P2RX3: variants seen among roughly 807,000 people sequenced by gnomAD.
P2RX3 encodes P2X purinoceptor 3.
In P2RX3, 41 loss-of-function variants were observed where a neutral mutation model predicts 51.5. That is an observed-to-expected ratio of 0.80 (90% CI 0.62 to 1.03). The LOEUF (loss-of-function observed/expected upper bound fraction) is 1.03, where lower values mean the gene tolerates loss of function less well. Ranked by LOEUF, P2RX3 falls within the 50% of genes least tolerant of loss-of-function variation. The probability of loss-of-function intolerance (pLI) is 0.00; values close to 1 mark genes in which losing one functional copy is unlikely to be tolerated. For missense variants in P2RX3, 459 were observed against 522.1 expected (o/e 0.88, Z 1.18); for synonymous variants, 185 against 191.6 (o/e 0.97, Z 0.29).
At chr11:57,349,663 C>T in intron 6 of P2RX3, 94 bp from the exon 7 acceptor site, 1 of 1,491,104 alleles carries the variant, frequency 6.7e-7, no homozygotes, top group South Asian at 1.2e-5. Flanking sequence ...GGCTCAGATC[C>T]CCCCTAGGCC....
At chr11:57,367,064 AG>A (rs1856808773) in intron 8 of P2RX3, among the ~76,000 whole-genome samples, 1 of 151,432 alleles carries the variant, frequency 6.6e-6, no homozygotes, top group South Asian at 2.1e-4. Flanking sequence ...ATAGTCTGAA[AG>A]CACCTTTCAA....
rs117711166 is a variant in P2RX3 at position 57,353,846 on chromosome 11, C to G, written c.842+2948C>G. 1.2e-4 allele frequency among the ~76,000 whole-genome samples: 15 copies of G among 120,946 alleles called. 1 individual carries two copies. In the South Asian group the frequency reaches 2.3e-3, roughly 18 times the overall value. 79.3% of individuals were successfully genotyped at this position (120,946 alleles called of 152,430 possible). ...CCCTTCCAAATGTCACTCCCCCCCC[C>G]CCGCCCCTATTTTTTGTAGCTCTTT... On this transcript the variant is annotated intron_variant, in intron 8 of 11. Coordinates refer to ENST00000263314, the MANE Select transcript of P2RX3 (RefSeq NM_002559.5).
chr11:57,339,703 A>G (rs1444403432), intron 1 of P2RX3, among the ~76,000 whole-genome samples: 1 of 152,130 alleles, frequency 6.6e-6, no homozygotes, highest in Non-Finnish European at 1.5e-5. Context: ...CTTTCAGACA[A>G]TGGGTCTTTG....
chr11:57,342,881 C>T (rs1377860065), intron 1 of P2RX3, among the ~76,000 whole-genome samples: 3 of 152,168 alleles, frequency 2.0e-5, no homozygotes, highest in Admixed American at 1.3e-4. Flanking sequence ...TCCTTGGCTC[C>T]CTGGGGGCGG....
chr11:57,349,800 T>C lies in P2RX3; in HGVS notation c.607T>C (p.Cys203Arg). 1.2e-6 allele frequency: 2 copies of C among 1,614,200 alleles called. No individual in the cohort carries two copies. Among genetic ancestry groups the C allele is most frequent in the South Asian group, 2.2e-5 (2 of 91,072 alleles). The change falls in exon 7 of 12, where the codon TGC (cysteine) becomes CGC (arginine). Residue 203 changes from cysteine to arginine, a missense_variant. Coordinates refer to ENST00000263314, the MANE Select transcript of P2RX3 (RefSeq NM_002559.5). Reference protein sequence around the residue: ...PNLTARDMKTCRFHPDKDPFC... With the variant: ...PNLTARDMKTRRFHPDKDPFC... Reference sequence around the variant, plus strand: ...CCTGACAGCCAGGGACATGAAGACCTGCCGCTTCCACCCGGACAAGGACCC... The same window carrying C: ...CCTGACAGCCAGGGACATGAAGACCCGCCGCTTCCACCCGGACAAGGACCC...
At chr11:57,366,416 C>T (rs533089420) in intron 8 of P2RX3, among the ~76,000 whole-genome samples, 14 of 152,174 alleles carry the variant, frequency 9.2e-5, no homozygotes, top group South Asian at 4.2e-4. Context: ...CCTGAGTCCC[C>T]GGCATGGTTC....
chr11:57,348,745 C>A, intron 6 of P2RX3, 41 bp downstream of exon 6: 1 of 1,490,716 alleles, frequency 6.7e-7, no homozygotes, highest in Non-Finnish European at 9.3e-7. Flanking sequence ...ATGCAGGCAC[C>A]CCCGGCCCTG....
intron 11 of P2RX3, 105 bp from the exon 12 acceptor site, chr11:57,369,779 C>A: frequency 1.2e-6 from 1 of 805,264 alleles, no homozygotes; most frequent in Non-Finnish European, 2.1e-6. Context: ...TGGCTCCCCT[C>A]ATGACTAGGT....
chr11:57,352,791 C>T (rs902742301), intron 8 of P2RX3, among the ~76,000 whole-genome samples: 9 of 152,222 alleles, frequency 5.9e-5, no homozygotes, highest in African/African-American at 1.2e-4. Flanking sequence ...GGAGGCAGGA[C>T]GGAATATCCC....
intron 1 of P2RX3, among the ~76,000 whole-genome samples, chr11:57,339,980 G>T (rs1269540487): frequency 6.6e-6 from 1 of 152,202 alleles, no homozygotes; most frequent in African/African-American, 2.4e-5. Context: ...TTTTAGAAAA[G>T]GGATTCAAGC....
chr11:57,348,429 GC>G, intron 5 of P2RX3, 166 bp downstream of exon 5: 1 of 737,474 alleles, frequency 1.4e-6, no homozygotes, highest in Non-Finnish European at 2.2e-6. Flanking sequence ...ATCTTCCCCA[GC>G]CCACCCACCT....
intron 1 of P2RX3, 61 bp downstream of exon 1, chr11:57,338,730 C>G: frequency 8.6e-7 from 1 of 1,157,064 alleles, no homozygotes; most frequent in South Asian, 1.4e-5. Context: ...CGTCTTCACC[C>G]TCCTGCCTCG....
At chr11:57,345,776 TG>T (rs1471934014) in intron 1 of P2RX3, among the ~76,000 whole-genome samples, 5 of 152,186 alleles carry the variant, frequency 3.3e-5, no homozygotes, top group Non-Finnish European at 1.5e-5. Context: ...GGTCCCATTA[TG>T]GCTTAAAGCT....
Position 57,369,408 on chromosome 11 carries a change from C to T in P2RX3, c.1050C>T (p.Ala350=), listed in dbSNP as rs765430364. 62 of 1,609,354 alleles carry T rather than the reference C, an allele frequency of 3.9e-5. No homozygotes were observed. Among genetic ancestry groups the T allele is most frequent in the Non-Finnish European group, 4.7e-5 (55 of 1,178,192 alleles). ...TCCTGCTCAACTTCCTCAAGGGGGC[C>T]GACCAGTACAAAGCCAAGAAGTTTG... ...DIILLNFLKG[A]DQYKAKKFEE... The change falls in exon 11 of 12, where the codon GCC becomes GCT. Residue 350 remains alanine, a synonymous_variant. Coordinates refer to ENST00000263314, the MANE Select transcript of P2RX3 (RefSeq NM_002559.5).
rs116897257 is a variant in P2RX3, at chr11:57,370,336, C to T, written c.*339C>T. 1.6e-5 allele frequency: 4 copies of T among 251,110 alleles called. No individual in the cohort carries two copies. Among genetic ancestry groups the T allele is most frequent in the African/African-American group, 6.5e-5 (3 of 46,030 alleles). 15.6% of individuals were successfully genotyped at this position (251,110 alleles called of 1,614,324 possible). A position where few individuals can be genotyped will look rare whatever the true frequency, so the allele number is the denominator to read the frequency against. On this transcript the variant is annotated 3_prime_UTR_variant, in exon 12 of 12. Transcript: ENST00000263314. ...ACCAAGTGCCAGGCACTTTCACACA[C>T]GTTATCTCATTTAATCCTTAGAATA...
chr11:57,350,985 A>G (rs1856537922), intron 8 of P2RX3, 87 bp downstream of exon 8: 1 of 1,575,828 alleles, frequency 6.3e-7, no homozygotes, highest in Non-Finnish European at 8.7e-7. Context: ...TCCCACATCC[A>G]TCCACCCACC....
At position 57,342,148 on chromosome 11, in the gene P2RX3, C is replaced by CTTT. The variant is rs67011422; in HGVS notation, c.119+3506_119+3508dup. On this transcript the variant is annotated intron_variant, in intron 1 of 11. Transcript: ENST00000263314. The stretch of plus-strand genomic sequence containing the variant: ...GGGAAGAACTGTTGGGCTGCCCCAT[C>CTTT]TTTTTTTTTTTTTTTTTTTTTTTTT... Among the ~76,000 whole-genome samples the CTTT allele has an allele frequency of 1.0e-2, 484 of 48,418 alleles. 24 individuals are homozygous for CTTT. Among genetic ancestry groups the CTTT allele is most frequent in the Non-Finnish European group, 0.014 (393 of 29,082 alleles). The allele number at this position is 48,418 out of a possible 152,430, so 31.8% of individuals were successfully genotyped here. A position where few individuals can be genotyped will look rare whatever the true frequency, so the allele number is the denominator to read the frequency against.
chr11:57,365,130 C>T (rs1856778935), intron 8 of P2RX3, among the ~76,000 whole-genome samples: 1 of 152,228 alleles, frequency 6.6e-6, no homozygotes, highest in Admixed American at 6.5e-5. Flanking sequence ...CCTCCTGACC[C>T]AGATAAAGCT....
At chr11:57,345,435 C>T (rs1458733725) in intron 1 of P2RX3, among the ~76,000 whole-genome samples, 3 of 151,958 alleles carry the variant, frequency 2.0e-5, no homozygotes, top group Non-Finnish European at 2.9e-5. Context: ...GTATGTTTCT[C>T]GGGGAGGGAG....
Sources: allele counts gnomAD v4.1 joint callset (sites outside exome capture counted in the v4.1 genomes callset), GRCh38; gene constraint gnomAD v4.1.1; transcripts MANE v1.5; gene names NCBI Gene and HGNC (gene_info 2026-07-23, HGNC 2026-07-21).